PTBP2: variants seen among roughly 807,000 people sequenced by gnomAD.
PTBP2 encodes the protein polypyrimidine tract binding protein 2.
Under a neutral mutation model 61.4 loss-of-function variants are expected in PTBP2, and 13 were observed. The ratio of observed to expected loss-of-function variants is 0.21; its 90% CI spans 0.14 to 0.34. PTBP2 has a LOEUF of 0.34. Ranked by LOEUF, PTBP2 falls within the 10% of genes least tolerant of loss-of-function variation. PTBP2 has a pLI of 1.00. For synonymous variants in PTBP2, 215 were observed against 218.5 expected, an observed-to-expected ratio of 0.98 and a Z score of 0.14; for missense variants, 405 against 642.6, an observed-to-expected ratio of 0.63 and a Z score of 4.00.
intron 5 of PTBP2, among the ~76,000 whole-genome samples, chr1:96,775,284 C>G (rs956852773): frequency 6.6e-6 from 1 of 152,104 alleles, no homozygotes; most frequent in Non-Finnish European, 1.5e-5. Context: ...TAAACTCGCT[C>G]CTAGTTAACA....
At chr1:96,769,134 A>G (rs1657094369) in intron 3 of PTBP2, among the ~76,000 whole-genome samples, 1 of 152,032 alleles carries the variant, frequency 6.6e-6, no homozygotes, top group Admixed American at 6.5e-5. Context: ...CATAAATGTC[A>G]TAGAGTACAT....
At chr1:96,798,194 T>A (rs1388753649) in intron 8 of PTBP2, among the ~76,000 whole-genome samples, 2 of 151,912 alleles carry the variant, frequency 1.3e-5, no homozygotes, top group African/African-American at 4.8e-5. Context: ...TCACTTGAGA[T>A]CATGAGTTCA....
rs536249113 is a variant in PTBP2 at position 96,764,615 on chromosome 1, C to G, written c.116-5088C>G. Reference sequence around the variant, plus strand: ...AGTCTGGAACATTTTACTTAGAACTCTTTTAAGATTTTCATTTTAACTTTT... The same window carrying G: ...AGTCTGGAACATTTTACTTAGAACTGTTTTAAGATTTTCATTTTAACTTTT... On this transcript the variant is annotated intron_variant, in intron 3 of 13. Transcript: ENST00000674951. 3.3e-5 allele frequency among the ~76,000 whole-genome samples: 5 copies of G among 151,882 alleles called. No individual in the cohort carries two copies. In the South Asian group the frequency reaches 1.0e-3, roughly 31 times the overall value.
At position 96,722,369 on chromosome 1, in the gene PTBP2, C is replaced by T. The variant is rs536882419; in HGVS notation, c.8+497C>T. ...CCATGAGCAACCTCTCCGGCCTCGC[C>T]CGGCCCTCCGTGGTCGGGAGAGATG... On this transcript the variant is annotated intron_variant, in intron 1 of 13. Coordinates refer to ENST00000674951, the MANE Select transcript of PTBP2 (RefSeq NM_021190.4). Among the ~76,000 whole-genome samples the T allele has an allele frequency of 3.3e-5, 5 of 152,082 alleles. No individual in the cohort carries two copies. In the South Asian group the frequency reaches 8.3e-4, roughly 25 times the overall value.
chr1:96,747,757 A>G (rs1419772812), intron 2 of PTBP2, among the ~76,000 whole-genome samples: 1 of 152,066 alleles, frequency 6.6e-6, no homozygotes, highest in African/African-American at 2.4e-5. Context: ...CACTGGGCCA[A>G]GTTTCTTTCA....
chr1:96,725,362 C>T (rs1206782316), intron 2 of PTBP2, among the ~76,000 whole-genome samples: 6 of 148,882 alleles, frequency 4.0e-5, no homozygotes, highest in Admixed American at 6.8e-5. Flanking sequence ...TGCAGTGGCA[C>T]GATCCTGGCT....
At chr1:96,783,181 C>T (rs1658880742) in intron 7 of PTBP2, among the ~76,000 whole-genome samples, 1 of 151,964 alleles carries the variant, frequency 6.6e-6, no homozygotes, top group East Asian at 1.9e-4. Flanking sequence ...GATTTTACTC[C>T]CTTTCTTATT....
At chr1:96,792,292 C>G (rs1237487271) in intron 8 of PTBP2, among the ~76,000 whole-genome samples, 1 of 152,052 alleles carries the variant, frequency 6.6e-6, no homozygotes, top group Non-Finnish European at 1.5e-5. Flanking sequence ...TGTTCTTAGC[C>G]CTTTACAAGT....
intron 8 of PTBP2, among the ~76,000 whole-genome samples, chr1:96,790,648 A>C (rs1393534845): frequency 1.3e-5 from 2 of 152,172 alleles, no homozygotes; most frequent in Non-Finnish European, 2.9e-5. Context: ...TGCTAATTTT[A>C]AGTTGGTGCC....
chr1:96,787,197 T>G (rs558221907), intron 8 of PTBP2, among the ~76,000 whole-genome samples: 3 of 152,158 alleles, frequency 2.0e-5, no homozygotes, highest in East Asian at 1.9e-4. Context: ...ACTTTTGTCT[T>G]TTTTCGTAGA....
At chr1:96,750,183 T>C (rs1487867718) in intron 2 of PTBP2, among the ~76,000 whole-genome samples, 3 of 151,970 alleles carry the variant, frequency 2.0e-5, no homozygotes, top group Non-Finnish European at 4.4e-5. Context: ...ATCTTAGGAT[T>C]AGGGACCACA....
At chr1:96,774,811 G>A (rs479267) in intron 5 of PTBP2, among the ~76,000 whole-genome samples, 174 of 152,198 alleles carry the variant, frequency 1.1e-3, no homozygotes, top group African/African-American at 4.1e-3. Context: ...TCATGCTCAG[G>A]CTAAAGGCCC....
rs748378072 is a variant in PTBP2, at chr1:96,729,732, ATT to A, written c.39+6159_39+6160del. 4.2e-3 allele frequency among the ~76,000 whole-genome samples: 465 copies of A among 110,410 alleles called. 1 individual carries two copies. The highest frequency in any genetic ancestry group is 0.013 in the African/African-American group (321 of 25,670). 72.4% of individuals were successfully genotyped at this position (110,410 alleles called of 152,430 possible). On this transcript the variant is annotated intron_variant, in intron 2 of 13. Transcript: ENST00000674951. ...GTGTAGAGTTGTTCATGATACTACT[ATT>A]TTTTTTTTTTTTTTTTTTTTGAGAC... is the stretch of plus-strand genomic sequence containing the variant.
chr1:96,803,072 G>A (rs1661182381), intron 8 of PTBP2, among the ~76,000 whole-genome samples: 1 of 152,252 alleles, frequency 6.6e-6, no homozygotes, highest in African/African-American at 2.4e-5. Flanking sequence ...AACAACTTAT[G>A]GGGAGGATAG....
chr1:96,731,633 C>A (rs1444415077), intron 2 of PTBP2, among the ~76,000 whole-genome samples: 1 of 151,864 alleles, frequency 6.6e-6, no homozygotes, highest in African/African-American at 2.4e-5. Context: ...TTAGAATATC[C>A]AAGTTTTTAT....
chr1:96,805,130 T>A (rs1661378353), intron 9 of PTBP2, among the ~76,000 whole-genome samples, 191 bp downstream of exon 9: 1 of 152,152 alleles, frequency 6.6e-6, no homozygotes, highest in Non-Finnish European at 1.5e-5. Context: ...TAAACAGTCA[T>A]GTCTCTTTAT....
intron 8 of PTBP2, among the ~76,000 whole-genome samples, chr1:96,792,557 C>T (rs1268789974): frequency 6.6e-6 from 1 of 152,032 alleles, no homozygotes; most frequent in Non-Finnish European, 1.5e-5. Flanking sequence ...TAGTAATATA[C>T]ATATAGTAAA....
chr1:96,763,592 G>C (rs1298261304), intron 3 of PTBP2, among the ~76,000 whole-genome samples: 4 of 136,956 alleles, frequency 2.9e-5, no homozygotes, highest in Non-Finnish European at 6.2e-5. Flanking sequence ...GGGAGACCGT[G>C]GGGAGAGGAG....
intron 1 of PTBP2, among the ~76,000 whole-genome samples, chr1:96,722,527 G>A (rs1238040715): frequency 6.6e-6 from 1 of 151,988 alleles, no homozygotes; most frequent in African/African-American, 2.4e-5. Context: ...AGTGGGGGCG[G>A]GAGGGAGGAA....
Sources: gnomAD v4.1 joint callset for allele counts (sites outside exome capture counted in the v4.1 genomes callset) on GRCh38, gnomAD v4.1.1 for gene constraint, MANE v1.5 for transcripts, NCBI Gene and HGNC (gene_info 2026-07-23, HGNC 2026-07-21) for gene names.